Variants in NKAIN2 observed in about 807,000 individuals in gnomAD.
NKAIN2 encodes the protein sodium/potassium transporting ATPase interacting 2.
In NKAIN2, 14 loss-of-function variants were observed where a neutral mutation model predicts 32.6. That is an observed-to-expected ratio of 0.43 (90% CI 0.28 to 0.67). NKAIN2 has a LOEUF of 0.67. Among genes scored for constraint, NKAIN2 ranks in the 30% least tolerant of loss-of-function variants. The pLI, the probability that NKAIN2 is intolerant of heterozygous loss-of-function variation, is 0.17. For missense variants in NKAIN2, 198 were observed against 258.3 expected (o/e 0.77, Z 1.60); for synonymous variants, 80 against 87.2 (o/e 0.92, Z 0.46).
chr6:124,143,768 T>C (rs757579198), intron 1 of NKAIN2, among the ~76,000 whole-genome samples: 3 of 152,164 alleles, frequency 2.0e-5, no homozygotes, highest in Non-Finnish European at 4.4e-5. Context: ...AGTAGAATTA[T>C]TTATAAAAAA....
chr6:124,803,934 C>A (rs1420636131), intron 5 of NKAIN2, among the ~76,000 whole-genome samples: 2 of 152,162 alleles, frequency 1.3e-5, no homozygotes, highest in Non-Finnish European at 2.9e-5. Flanking sequence ...TATACCTCTA[C>A]GTATTACACA....
At chr6:123,886,291 G>T (rs1773709598) in intron 1 of NKAIN2, among the ~76,000 whole-genome samples, 1 of 151,950 alleles carries the variant, frequency 6.6e-6, no homozygotes. Context: ...TACACACAAT[G>T]ATTTCTTTAT....
At chr6:124,050,410 A>G (rs1782349722) in intron 1 of NKAIN2, among the ~76,000 whole-genome samples, 1 of 152,012 alleles carries the variant, frequency 6.6e-6, no homozygotes, top group Admixed American at 6.6e-5. Flanking sequence ...CCTGTGTCAC[A>G]TCCTTCAGTT....
intron 1 of NKAIN2, among the ~76,000 whole-genome samples, chr6:123,894,745 G>A (rs943506541): frequency 6.6e-6 from 1 of 152,066 alleles, no homozygotes; most frequent in African/African-American, 2.4e-5. Context: ...TCTACAATGA[G>A]TATGTGAATG....
At chr6:124,558,339 C>A (rs1780555398) in intron 3 of NKAIN2, among the ~76,000 whole-genome samples, 2 of 152,140 alleles carry the variant, frequency 1.3e-5, no homozygotes, top group South Asian at 4.1e-4. Flanking sequence ...TGAATGTGAG[C>A]CAAGGCTTGT....
chr6:124,205,506 A>ATTGT (rs147057353), intron 1 of NKAIN2, among the ~76,000 whole-genome samples: 1 of 151,680 alleles, frequency 6.6e-6, no homozygotes, highest in Non-Finnish European at 1.5e-5. Context: ...AAGTATCCCA[A>ATTGT]TTGTTTGTTT....
intron 3 of NKAIN2, among the ~76,000 whole-genome samples, chr6:124,634,458 A>G (rs1339349028): frequency 6.6e-6 from 1 of 152,118 alleles, no homozygotes; most frequent in Non-Finnish European, 1.5e-5. Flanking sequence ...ATAAAATTAA[A>G]AGTACAATTG....
At chr6:124,169,564 G>A (rs1788743746) in intron 1 of NKAIN2, among the ~76,000 whole-genome samples, 1 of 152,106 alleles carries the variant, frequency 6.6e-6, no homozygotes, top group South Asian at 2.1e-4. Context: ...CTGACTTACA[G>A]AAGTTAACTT....
chr6:124,196,664 TCA>T (rs919891755), intron 1 of NKAIN2, among the ~76,000 whole-genome samples: 3 of 152,072 alleles, frequency 2.0e-5, no homozygotes, highest in African/African-American at 7.2e-5. Flanking sequence ...TTAAAGATTT[TCA>T]CAGTCCATCC....
At chr6:123,883,179 C>T (rs1773530091) in intron 1 of NKAIN2, among the ~76,000 whole-genome samples, 1 of 152,034 alleles carries the variant, frequency 6.6e-6, no homozygotes, top group Admixed American at 6.6e-5. Context: ...GAGTCTTGCT[C>T]TGTCGCCCAG....
rs1554214465 is a variant in NKAIN2 at position 123,850,355 on chromosome 6, A to ATAT, written c.54+46101_54+46102insTAT. Among the ~76,000 whole-genome samples, 674 of 133,412 alleles carry ATAT rather than the reference A, an allele frequency of 5.1e-3. 4 individuals carry two copies. Among genetic ancestry groups the ATAT allele is most frequent in the African/African-American group, 0.019 (633 of 34,040 alleles). 87.5% of individuals were successfully genotyped at this position (133,412 alleles called of 152,430 possible). On this transcript the variant is annotated intron_variant, in intron 1 of 6. Coordinates refer to ENST00000368417, the MANE Select transcript of NKAIN2 (RefSeq NM_001040214.3). ...TTGCAAGCTGCTGAAAAAAAAAAAA[A>ATAT]ATATATATATATATATACACACACA... is the stretch of plus-strand genomic sequence containing the variant.
chr6:124,056,234 A>G (rs1782644939), intron 1 of NKAIN2, among the ~76,000 whole-genome samples: 1 of 150,680 alleles, frequency 6.6e-6, no homozygotes, highest in Non-Finnish European at 1.5e-5. Context: ...TTTAATTGAG[A>G]GAGGTTTTTT....
intron 1 of NKAIN2, among the ~76,000 whole-genome samples, chr6:123,900,525 C>T (rs1232984126): frequency 2.3e-5 from 2 of 86,560 alleles, no homozygotes; most frequent in African/African-American, 7.9e-5. Flanking sequence ...TTTCTGTCTC[C>T]AGATTAGTTT....
intron 3 of NKAIN2, among the ~76,000 whole-genome samples, chr6:124,496,772 A>C (rs143799135): frequency 1.7e-3 from 256 of 152,272 alleles, no homozygotes; most frequent in African/African-American, 5.9e-3. Flanking sequence ...TATTTAAAAT[A>C]TGAAGAAAGT....
chr6:124,076,065 G>A (rs1337319450), intron 1 of NKAIN2, among the ~76,000 whole-genome samples: 3 of 152,246 alleles, frequency 2.0e-5, no homozygotes, highest in African/African-American at 7.2e-5. Context: ...GCTGCCTAAT[G>A]AAGTTGCAGG....
chr6:124,329,087 T>C (rs1797546147), intron 2 of NKAIN2, among the ~76,000 whole-genome samples: 1 of 152,226 alleles, frequency 6.6e-6, no homozygotes, highest in Non-Finnish European at 1.5e-5. Context: ...CTCTGTCCTC[T>C]ACTATCCTTC....
At chr6:123,825,383 T>G (rs565989300) in intron 1 of NKAIN2, among the ~76,000 whole-genome samples, 25 of 152,272 alleles carry the variant, frequency 1.6e-4, no homozygotes, top group African/African-American at 6.0e-4. Flanking sequence ...TAGCTTAAGT[T>G]GTTGATACTA....
At chr6:124,062,809 A>G (rs1377434341) in intron 1 of NKAIN2, among the ~76,000 whole-genome samples, 4 of 152,152 alleles carry the variant, frequency 2.6e-5, no homozygotes, top group Non-Finnish European at 4.4e-5. Context: ...GTGATAGTAC[A>G]TACTTAGTGG....
At chr6:124,358,216 A>C (rs1799085865) in intron 3 of NKAIN2, among the ~76,000 whole-genome samples, 1 of 152,284 alleles carries the variant, frequency 6.6e-6, no homozygotes, top group South Asian at 2.1e-4. Flanking sequence ...TGCTATTGTG[A>C]ATAGTGCCGA....
Sources: gnomAD v4.1 joint callset for allele counts (sites outside exome capture counted in the v4.1 genomes callset) on GRCh38, gnomAD v4.1.1 for gene constraint, MANE v1.5 for transcripts, NCBI Gene and HGNC (gene_info 2026-07-23, HGNC 2026-07-21) for gene names.